UBTD2: variants seen among roughly 807,000 people sequenced by gnomAD.
UBTD2 encodes ubiquitin domain containing 2, also known as ubiquitin domain-containing protein 2.
UBTD2 carries 9 observed loss-of-function variants against 19.8 expected under a neutral mutation model. The ratio of observed to expected loss-of-function variants is 0.46; its 90% CI spans 0.27 to 0.79. UBTD2 has a LOEUF of 0.79. UBTD2 is among the 30% of genes least tolerant of loss of function. The pLI, the probability that UBTD2 is intolerant of heterozygous loss-of-function variation, is 0.14. For synonymous variants in UBTD2, 98 were observed against 103.9 expected (o/e 0.94, Z 0.35); for missense variants, 250 against 300.4 (o/e 0.83, Z 1.24).
chr5:172,278,213 A>C (rs989788619), intron 1 of UBTD2, among the ~76,000 whole-genome samples: 3 of 152,192 alleles, frequency 2.0e-5, no homozygotes, highest in African/African-American at 7.2e-5. Context: ...CTTGTACACC[A>C]AAGTTCAGAG....
chr5:172,279,039 A>G (rs1207684668), intron 1 of UBTD2, among the ~76,000 whole-genome samples: 1 of 152,102 alleles, frequency 6.6e-6, no homozygotes, highest in Non-Finnish European at 1.5e-5. Context: ...TGGCCTCCCA[A>G]TGTGGTGCGA....
rs1240268445 is a variant in UBTD2, at chr5:172,258,127, TTC to T, written c.71-23771_71-23770del. 3.3e-5 allele frequency among the ~76,000 whole-genome samples: 5 copies of T among 152,232 alleles called. 1 individual carries two copies. The South Asian group carries it at 1.0e-3, about 32-fold the overall frequency. On this transcript the variant is annotated intron_variant, in intron 1 of 2. Coordinates refer to ENST00000393792, the MANE Select transcript of UBTD2 (RefSeq NM_152277.3). ...TTTCCTAGGGTTTCTTCTAGGGTTTTTCAAGTTTTACATTTAAGTCTTCAATC... is the reference window on the plus strand; with the variant it reads ...TTTCCTAGGGTTTCTTCTAGGGTTTTAAGTTTTACATTTAAGTCTTCAATC...
At chr5:172,271,778 T>C (rs1050286438) in intron 1 of UBTD2, among the ~76,000 whole-genome samples, 1 of 152,204 alleles carries the variant, frequency 6.6e-6, no homozygotes, top group African/African-American at 2.4e-5. Context: ...AACTATTTGT[T>C]ACTCCACTCC....
chr5:172,247,867 G>A (rs1405339086), intron 1 of UBTD2, among the ~76,000 whole-genome samples: 2 of 152,144 alleles, frequency 1.3e-5, no homozygotes, highest in Non-Finnish European at 2.9e-5. Flanking sequence ...CCCAAAAGGA[G>A]CAGAATACAC....
intron 2 of UBTD2, among the ~76,000 whole-genome samples, chr5:172,226,417 C>G (rs536812879): frequency 8.0e-6 from 1 of 124,912 alleles, no homozygotes; most frequent in African/African-American, 2.6e-5. Context: ...ATAGTACCTC[C>G]CTTATGAGGT....
intron 1 of UBTD2, among the ~76,000 whole-genome samples, chr5:172,256,438 G>C (rs1487858753): frequency 6.6e-6 from 1 of 150,610 alleles, no homozygotes; most frequent in Non-Finnish European, 1.5e-5. Flanking sequence ...CTGGAACTCA[G>C]TGGCACCATC....
At chr5:172,276,366 T>C (rs911887850) in intron 1 of UBTD2, among the ~76,000 whole-genome samples, 2 of 152,220 alleles carry the variant, frequency 1.3e-5, no homozygotes, top group Non-Finnish European at 2.9e-5. Context: ...GTCCAGTTTC[T>C]CCATCATTTT....
chr5:172,249,770 A>G (rs999347868), intron 1 of UBTD2, among the ~76,000 whole-genome samples: 1 of 152,240 alleles, frequency 6.6e-6, no homozygotes, highest in African/African-American at 2.4e-5. Flanking sequence ...CTGCAAGGCC[A>G]TAAGAAGATA....
intron 1 of UBTD2, among the ~76,000 whole-genome samples, chr5:172,280,594 G>C (rs1755693056): frequency 6.6e-6 from 1 of 151,124 alleles, no homozygotes; most frequent in East Asian, 1.9e-4. Flanking sequence ...CAAGGCTGCA[G>C]TAATCTATGA....
chr5:172,277,420 C>A lies in UBTD2; in HGVS notation c.70+6176G>T, dbSNP rs191066658. ...AATCGGACATCATTAAAATTACAAA[C>A]TTTAGGTGATGCACGGTGGCTCACG... On this transcript the variant is annotated intron_variant, in intron 1 of 2. Coordinates refer to ENST00000393792, the MANE Select transcript of UBTD2 (RefSeq NM_152277.3). 4.4e-3 allele frequency among the ~76,000 whole-genome samples: 663 copies of A among 152,078 alleles called. 4 individuals are homozygous for A. Among genetic ancestry groups the A allele is most frequent in the African/African-American group, 0.015 (642 of 41,480 alleles).
intron 1 of UBTD2, among the ~76,000 whole-genome samples, chr5:172,248,839 C>T (rs191698688): frequency 4.7e-5 from 7 of 149,790 alleles, no homozygotes; most frequent in Admixed American, 6.7e-5. Flanking sequence ...CTCAGATGGC[C>T]GAGGCTGGAA....
At chr5:172,240,970 A>G (rs534787195) in intron 1 of UBTD2, among the ~76,000 whole-genome samples, 1 of 152,190 alleles carries the variant, frequency 6.6e-6, no homozygotes, top group African/African-American at 2.4e-5. Context: ...CTAACATGAG[A>G]CCACTGCAAC....
At chr5:172,223,586 CAAAAAAAAAAAA>C (rs577474758) in intron 2 of UBTD2, among the ~76,000 whole-genome samples, 3 of 33,128 alleles carry the variant, frequency 9.1e-5, no homozygotes, top group Admixed American at 4.2e-4. Context: ...GCGACGGAGT[CAAAAAAAAAAAA>C]AAAAAAAAAA....
At chr5:172,213,609 C>T (rs1422880603) in intron 2 of UBTD2, among the ~76,000 whole-genome samples, 3 of 152,010 alleles carry the variant, frequency 2.0e-5, no homozygotes, top group Non-Finnish European at 4.4e-5. Context: ...ATTATAATTT[C>T]AAAATCAAAA....
intron 1 of UBTD2, among the ~76,000 whole-genome samples, chr5:172,263,849 C>CTGTGTGTG (rs1234224827): frequency 5.9e-5 from 2 of 34,142 alleles, no homozygotes; most frequent in Non-Finnish European, 9.8e-5. Flanking sequence ...ATGCACGTGC[C>CTGTGTGTG]TCTGTGTGTG....
chr5:172,244,731 C>T (rs1346706702), intron 1 of UBTD2, among the ~76,000 whole-genome samples: 1 of 151,996 alleles, frequency 6.6e-6, no homozygotes, highest in Non-Finnish European at 1.5e-5. Flanking sequence ...GTTTTGTATT[C>T]TTTTTTTCTT....
At chr5:172,254,436 C>T (rs1450909531) in intron 1 of UBTD2, 5 of 418,636 alleles carry the variant, frequency 1.2e-5, no homozygotes, top group Non-Finnish European at 2.2e-5. Context: ...GGAAAAGCTA[C>T]GGTTACAGTC....
rs116459029 is a variant in UBTD2 at position 172,222,412 on chromosome 5, G to C, written c.308-10185C>G. 1.9e-3 allele frequency among the ~76,000 whole-genome samples: 291 copies of C among 152,308 alleles called. 3 individuals carry two copies. Among genetic ancestry groups the C allele is most frequent in the African/African-American group, 6.8e-3 (281 of 41,570 alleles). ...TTTACTGATCATCTTGAAGTGAGTA[G>C]GGCATGTCACTGGCACTGAGGAAAG... is the stretch of plus-strand genomic sequence containing the variant. On this transcript the variant is annotated intron_variant, in intron 2 of 2. Transcript: ENST00000393792.
chr5:172,283,501 G>C lies in UBTD2; in HGVS notation c.70+95C>G. ...GTGGAAGAGGGGATGACAAAGGGGC[G>C]CGGGGGCCCGGCGCGGCCCGCGGGG... On this transcript the variant is annotated intron_variant, in intron 1 of 2. Coordinates refer to ENST00000393792, the MANE Select transcript of UBTD2 (RefSeq NM_152277.3). This position sits in a 1 kb window ranked among gnomAD's most constrained non-coding sequence, Gnocchi z 4.3. 2 of 990,280 alleles carry C rather than the reference G, an allele frequency of 2.0e-6. No homozygotes were observed. The highest frequency in any genetic ancestry group is 4.4e-5 in the South Asian group (1 of 22,772). 61.3% of individuals were successfully genotyped at this position (990,280 alleles called of 1,614,324 possible).
Sources: gnomAD v4.1 joint callset for allele counts (sites outside exome capture counted in the v4.1 genomes callset) on GRCh38, gnomAD v4.1.1 for gene constraint, Gnocchi (gnomAD v3.1) non-coding constraint, MANE v1.5 for transcripts, NCBI Gene and HGNC (gene_info 2026-07-23, HGNC 2026-07-21) for gene names.